The following MYH9 variants were observed in gnomAD, a reference collection of about 807,000 sequenced individuals.
MYH9 encodes myosin heavy chain 9.
Under a neutral mutation model 241.9 loss-of-function variants are expected in MYH9, and 29 were observed. The observed-to-expected ratio is 0.12, with a 90% CI of 0.09 to 0.16. MYH9 has a LOEUF of 0.16. Among genes scored for constraint, MYH9 ranks in the 10% least tolerant of loss-of-function variants. The pLI is 1.00. For synonymous variants in MYH9, 1,047 were observed against 1,062.6 expected (o/e 0.99, Z 0.29); for missense variants, 1,803 against 2,595.5 (o/e 0.69, Z 6.63).
intron 9 of MYH9, chr22:36,319,919 T>A: frequency 3.3e-6 from 2 of 605,636 alleles, no homozygotes; most frequent in Non-Finnish European, 5.9e-6. Flanking sequence ...TCTTCCACAC[T>A]CCCCGAGACA....
chr22:36,325,039 A>T (rs1025375912), intron 5 of MYH9: 1 of 762,046 alleles, frequency 1.3e-6, no homozygotes, highest in African/African-American at 1.7e-5. Context: ...AATACTTGGG[A>T]AATGGATTTT....
intron 2 of MYH9, among the ~76,000 whole-genome samples, chr22:36,344,427 T>C (rs1044006014): frequency 1.3e-5 from 2 of 152,156 alleles, no homozygotes; most frequent in Admixed American, 6.5e-5. Context: ...GATGGAGAGA[T>C]AGACCATGAA....
intron 19 of MYH9, among the ~76,000 whole-genome samples, chr22:36,303,741 C>A (rs1311473994): frequency 1.4e-5 from 2 of 147,838 alleles, no homozygotes; most frequent in Non-Finnish European, 3.0e-5. Context: ...GCCGAGAACG[C>A]ACCACAGCAC....
At chr22:36,370,575 C>T (rs1348423755) in intron 1 of MYH9, among the ~76,000 whole-genome samples, 3 of 152,232 alleles carry the variant, frequency 2.0e-5, no homozygotes, top group South Asian at 2.1e-4. Context: ...ATCCAACACT[C>T]GGGCCAGTAC....
Position 36,306,653 on chromosome 22 carries a change from T to A in MYH9, c.1844-46A>T, listed in dbSNP as rs1317674636. 3.8e-6 allele frequency: 6 copies of A among 1,581,126 alleles called. No individual in the cohort carries two copies. Among genetic ancestry groups the A allele is most frequent in the Non-Finnish European group, 5.2e-6 (6 of 1,162,278 alleles). On this transcript the variant is annotated intron_variant, in intron 15 of 40. Coordinates refer to ENST00000216181, the MANE Select transcript of MYH9 (RefSeq NM_002473.6). This position sits in a 1 kb window ranked among gnomAD's most constrained non-coding sequence, Gnocchi z 4.1. ...ACGTGAGTGCCCACACAGTTGCAGC[T>A]GGGTGGTGGGGGAGCACGTAGGAGA... is the stretch of plus-strand genomic sequence containing the variant.
intron 5 of MYH9, among the ~76,000 whole-genome samples, chr22:36,326,087 G>A (rs2017331575): frequency 6.6e-6 from 1 of 152,186 alleles, no homozygotes; most frequent in African/African-American, 2.4e-5. Context: ...AAATGGAGGT[G>A]AGATGACTTT....
At chr22:36,349,587 A>C in intron 1 of MYH9, among the ~76,000 whole-genome samples, 1 of 152,080 alleles carries the variant, frequency 6.6e-6, no homozygotes, top group East Asian at 1.9e-4. Flanking sequence ...AAAATTAACC[A>C]GGCGTGGTGG....
intron 2 of MYH9, among the ~76,000 whole-genome samples, chr22:36,345,908 G>A (rs1213984637): frequency 6.6e-6 from 1 of 152,184 alleles, no homozygotes; most frequent in Non-Finnish European, 1.5e-5. Context: ...CAGCACTTTG[G>A]GAGGACGAGG....
chr22:36,303,909 GC>G, intron 19 of MYH9, 85 bp downstream of exon 19: 1 of 1,511,410 alleles, frequency 6.6e-7, no homozygotes, highest in Non-Finnish European at 9.0e-7. Flanking sequence ...ACTGGCTGCA[GC>G]GGGGTGGCCT....
In MYH9 at chr22:36,320,814, A is replaced by G; in HGVS notation, c.852T>C (p.Ala284=). 1.2e-6 allele frequency: 2 copies of G among 1,613,810 alleles called. No individual in the cohort carries two copies. The highest frequency in any genetic ancestry group is 1.7e-6 in the Non-Finnish European group (2 of 1,179,700). Residue 284 remains alanine, a synonymous_variant, in exon 8 of 41, where the codon GCT becomes GCC. Transcript: ENST00000216181. This position sits in a 1 kb window ranked among gnomAD's most constrained non-coding sequence, Gnocchi z 4.8. Reference sequence around the variant, plus strand: ...ACTACTCACTCTTCAGGTGCTCTCCAGCCCCAGACAGGAGATAATAGAAGA... The same window carrying G: ...ACTACTCACTCTTCAGGTGCTCTCCGGCCCCAGACAGGAGATAATAGAAGA... ...FHIFYYLLSG[A]GEHLKTDLLL...
At chr22:36,289,348 G>A in intron 31 of MYH9, 51 bp from the exon 32 acceptor site, 2 of 1,538,276 alleles carry the variant, frequency 1.3e-6, no homozygotes, top group Non-Finnish European at 1.8e-6. Flanking sequence ...CCCCAGCAGG[G>A]CAGGGCAGCT....
chr22:36,332,930 TACGA>T (rs1381812680), intron 3 of MYH9, among the ~76,000 whole-genome samples: 1 of 152,056 alleles, frequency 6.6e-6, no homozygotes, highest in Non-Finnish European at 1.5e-5. Context: ...CAAAACCACA[TACGA>T]GTGCTGACCA....
rs763195367 is a variant in MYH9 at position 36,282,709 on chromosome 22, C to G, written c.5842G>C (p.Asp1948His). 16 of 1,614,066 alleles carry G rather than the reference C, an allele frequency of 9.9e-6. No individual in the cohort carries two copies. In the South Asian group the frequency reaches 1.5e-4, roughly 16 times the overall value. ...GAGDGSDEEV[D>H]GKADGAEAKP... is the part of the protein sequence containing the mutation. ...GCCTCAGCCCCATCCGCTTTGCCAT[C>G]TACCTCTTCGTCGGAGCCATCCCCG... is the stretch of plus-strand genomic sequence containing the variant. Residue 1948 changes from aspartate to histidine, a missense_variant, in exon 41 of 41, where the codon GAT (aspartate) becomes CAT (histidine). Around this residue, in one of 11 missense-constraint regions of MYH9, gnomAD observed 876 missense variants for 1,077.8 expected, o/e 0.81. Transcript: ENST00000216181.
intron 25 of MYH9, among the ~76,000 whole-genome samples, chr22:36,296,540 CTTT>C (rs67917055): frequency 2.8e-4 from 28 of 100,874 alleles, no homozygotes; most frequent in African/African-American, 6.0e-4. Flanking sequence ...CTGGTCAAGT[CTTT>C]TTTTTTTTTT....
At chr22:36,353,512 C>T (rs1205350278) in intron 1 of MYH9, among the ~76,000 whole-genome samples, 1 of 152,074 alleles carries the variant, frequency 6.6e-6, no homozygotes, top group Non-Finnish European at 1.5e-5. Flanking sequence ...AGGCGCCCAC[C>T]ACCACAGCCG....
At chr22:36,368,091 G>A (rs1332565543) in intron 1 of MYH9, among the ~76,000 whole-genome samples, 2 of 152,186 alleles carry the variant, frequency 1.3e-5, no homozygotes, top group Non-Finnish European at 2.9e-5. Context: ...GTAAGCGCTG[G>A]ATTCTCCTCA....
chr22:36,310,329 C>T (rs952947029), intron 14 of MYH9, among the ~76,000 whole-genome samples: 5 of 151,598 alleles, frequency 3.3e-5, no homozygotes, highest in African/African-American at 4.8e-5. Flanking sequence ...TGGTCTCAAA[C>T]GTCTGGGCTC....
intron 1 of MYH9, among the ~76,000 whole-genome samples, chr22:36,362,722 T>C (rs1363068068): frequency 6.6e-6 from 1 of 152,180 alleles, no homozygotes; most frequent in Admixed American, 6.5e-5. Context: ...GTGATCCACC[T>C]GCCTCAGCCT....
intron 12 of MYH9, among the ~76,000 whole-genome samples, chr22:36,315,909 G>A (rs180728270): frequency 2.0e-5 from 3 of 151,732 alleles, no homozygotes; most frequent in East Asian, 1.9e-4. Flanking sequence ...GTGGTGGTGC[G>A]TGCCTATAGT....
Sources: allele counts gnomAD v4.1 joint callset (sites outside exome capture counted in the v4.1 genomes callset), GRCh38; gene constraint gnomAD v4.1.1; regional missense constraint gnomAD v4.1.1; non-coding constraint Gnocchi (gnomAD v3.1); transcripts MANE v1.5; gene names NCBI Gene and HGNC (gene_info 2026-07-23, HGNC 2026-07-21).